BCR: variants seen among roughly 807,000 people sequenced by gnomAD.
BCR encodes breakpoint cluster region protein.
In BCR, 58 loss-of-function variants were observed where a neutral mutation model predicts 138.6. The ratio of observed to expected loss-of-function variants is 0.42; its 90% CI spans 0.34 to 0.52. The LOEUF is 0.52. BCR is among the 20% of genes least tolerant of loss of function. The pLI is 0.06. For missense variants in BCR, 1,599 were observed against 1,727.2 expected (o/e 0.93, Z 1.32); for synonymous variants, 786 against 730.1 (o/e 1.08, Z -1.23).
chr22:23,233,388 C>T (rs1212410596), intron 1 of BCR, among the ~76,000 whole-genome samples: 1 of 152,208 alleles, frequency 6.6e-6, no homozygotes. Context: ...ACCACTGCTT[C>T]CCCACACCGA....
intron 9 of BCR, 113 bp from the exon 10 acceptor site, chr22:23,284,920 G>T (rs1448081724): frequency 4.1e-6 from 5 of 1,223,086 alleles, no homozygotes; most frequent in Non-Finnish European, 5.7e-6. Context: ...TGGGTTTTAG[G>T]TCAGGTAAAC....
At chr22:23,213,849 AAGAAG>A (rs1295150403) in intron 1 of BCR, among the ~76,000 whole-genome samples, 2 of 136,488 alleles carry the variant, frequency 1.5e-5, no homozygotes, top group African/African-American at 7.4e-5. Flanking sequence ...AAAAAAAAAA[AAGAAG>A]AAGAAGGAGG....
chr22:23,245,805 TAA>T (rs796163043), intron 1 of BCR, among the ~76,000 whole-genome samples: 4 of 139,306 alleles, frequency 2.9e-5, no homozygotes, highest in African/African-American at 1.1e-4. Context: ...AGGTCAGCCT[TAA>T]AAAAAAAAAA....
chr22:23,260,537 T>A (rs2073344618), intron 2 of BCR, among the ~76,000 whole-genome samples: 1 of 152,110 alleles, frequency 6.6e-6, no homozygotes, highest in Non-Finnish European at 1.5e-5. Context: ...GAGTGGAGTT[T>A]GGCTGCAGCA....
intron 8 of BCR, among the ~76,000 whole-genome samples, chr22:23,276,957 G>A (rs898473574): frequency 1.1e-4 from 16 of 152,222 alleles, no homozygotes; most frequent in African/African-American, 3.9e-4. Flanking sequence ...AGACTGAAAA[G>A]GTTTCACAGC....
At chr22:23,311,323 C>T (rs1186423023) in intron 18 of BCR, among the ~76,000 whole-genome samples, 1 of 150,118 alleles carries the variant, frequency 6.7e-6, no homozygotes, top group East Asian at 2.0e-4. Flanking sequence ...TCACACAGCA[C>T]GTGGGTGGCA....
intron 1 of BCR, among the ~76,000 whole-genome samples, chr22:23,199,033 A>G (rs2072515892): frequency 1.3e-5 from 2 of 152,036 alleles, no homozygotes; most frequent in Admixed American, 1.3e-4. Context: ...GAGGCTAAAG[A>G]ATCACTTGAA....
In BCR at chr22:23,259,358, CTCT is replaced by C. The variant is rs1229327233; in HGVS notation, c.1462-1587_1462-1585del. ...CCTCCATTTGAGTCTGTGTCCTGAC[CTCT>C]TCTTTTACAAGCACCCCAGTCCTGG... On this transcript the variant is annotated intron_variant, in intron 2 of 22. Coordinates refer to ENST00000305877, the MANE Select transcript of BCR (RefSeq NM_004327.4). Among the ~76,000 whole-genome samples, 11 of 152,242 alleles carry C rather than the reference CTCT, an allele frequency of 7.2e-5. No individual in the cohort carries two copies. In the East Asian group the frequency reaches 1.9e-3, roughly 27 times the overall value.
chr22:23,202,519 T>G (rs1824856133), intron 1 of BCR, among the ~76,000 whole-genome samples: 1 of 152,138 alleles, frequency 6.6e-6, no homozygotes, highest in African/African-American at 2.4e-5. Flanking sequence ...GAACAGTGCT[T>G]CTTCCCCCAC....
intron 2 of BCR, among the ~76,000 whole-genome samples, chr22:23,254,820 G>A (rs1200122114): frequency 6.6e-6 from 1 of 152,102 alleles, no homozygotes; most frequent in Non-Finnish European, 1.5e-5. Flanking sequence ...TGTCTTTTTG[G>A]TCCCTGATGA....
intron 16 of BCR, among the ~76,000 whole-genome samples, chr22:23,300,364 T>A (rs188153868): frequency 6.6e-6 from 1 of 152,318 alleles, no homozygotes; most frequent in East Asian, 1.9e-4. Context: ...GGCTCACCCA[T>A]GTTGTAGAAT....
chr22:23,241,691 G>C (rs2073093940), intron 1 of BCR, among the ~76,000 whole-genome samples: 1 of 152,036 alleles, frequency 6.6e-6, no homozygotes, highest in African/African-American at 2.4e-5. Flanking sequence ...CCAGACCCAG[G>C]CTCACTGTGC....
chr22:23,287,345 G>A (rs904103013), intron 11 of BCR, 67 bp downstream of exon 11: 34 of 1,467,788 alleles, frequency 2.3e-5, no homozygotes, highest in African/African-American at 5.7e-5. Flanking sequence ...TTGCCTAATG[G>A]CAGTGCGTTT....
rs114759916 is a variant in BCR at position 23,258,738 on chromosome 22, G to T, written c.1462-2212G>T. Among the ~76,000 whole-genome samples, 431 of 152,326 alleles carry T rather than the reference G, an allele frequency of 2.8e-3. 3 individuals are homozygous for T. The highest frequency in any genetic ancestry group is 9.9e-3 in the African/African-American group (410 of 41,566). On this transcript the variant is annotated intron_variant, in intron 2 of 22. Coordinates refer to ENST00000305877, the MANE Select transcript of BCR (RefSeq NM_004327.4). ...CTGCACAGAATCCTGCAAGGCACAG[G>T]ATGCCACCCAGCCCCTGACAGAGAC...
intron 4 of BCR, chr22:23,263,343 G>T: frequency 8.3e-7 from 1 of 1,199,090 alleles, no homozygotes. Flanking sequence ...GCGCCAGATA[G>T]CCTGGGCCTC....
chr22:23,295,235 C>T, intron 16 of BCR, 80 bp downstream of exon 16: 1 of 977,896 alleles, frequency 1.0e-6, no homozygotes. Context: ...CTGAGATGGT[C>T]ATGGCCTTGC....
At position 23,261,279 on chromosome 22, in the gene BCR, T is replaced by C. The variant is rs990394273; in HGVS notation, c.1567-76T>C. ...AGTGCATATGTCAGGTAACCATGACTGTCTACTGCCATACAATGCACCTGA... is the reference window on the plus strand; with the variant it reads ...AGTGCATATGTCAGGTAACCATGACCGTCTACTGCCATACAATGCACCTGA... On this transcript the variant is annotated intron_variant, in intron 3 of 22. Coordinates refer to ENST00000305877, the MANE Select transcript of BCR (RefSeq NM_004327.4). The C allele has an allele frequency of 5.5e-5, 79 of 1,443,276 alleles. No individual in the cohort carries two copies. The Middle Eastern group carries it at 5.7e-4, about 10-fold the overall frequency. The allele number at this position is 1,443,276 out of a possible 1,614,324, so 89.4% of individuals were successfully genotyped here. A position where few individuals can be genotyped will look rare whatever the true frequency, so the allele number is the denominator to read the frequency against.
intron 1 of BCR, among the ~76,000 whole-genome samples, chr22:23,220,770 T>C (rs905324047): frequency 2.0e-5 from 3 of 152,220 alleles, no homozygotes; most frequent in African/African-American, 7.2e-5. Context: ...GGTAGTAACC[T>C]CCACCCTCAC....
chr22:23,259,828 A>G (rs1181155225), intron 2 of BCR, among the ~76,000 whole-genome samples: 1 of 151,996 alleles, frequency 6.6e-6, no homozygotes, highest in Non-Finnish European at 1.5e-5. Context: ...GACCCCCCAA[A>G]AATGTTTAAG....
Sources: gnomAD v4.1 joint callset for allele counts (sites outside exome capture counted in the v4.1 genomes callset) on GRCh38, gnomAD v4.1.1 for gene constraint, MANE v1.5 for transcripts, NCBI Gene and HGNC (gene_info 2026-07-23, HGNC 2026-07-21) for gene names.